ZFP64: variants seen among roughly 807,000 people sequenced by gnomAD.
ZFP64 encodes the protein zinc finger protein 64.
Under a neutral mutation model 51.6 loss-of-function variants are expected in ZFP64, and 14 were observed. The ratio of observed to expected loss-of-function variants is 0.27; its 90% CI spans 0.18 to 0.42. ZFP64 has a LOEUF of 0.42. Among genes scored for constraint, ZFP64 ranks in the 10% least tolerant of loss-of-function variants. The pLI, the probability that ZFP64 is intolerant of heterozygous loss-of-function variation, is 1.00. For synonymous variants in ZFP64, 375 were observed against 361.4 expected, an observed-to-expected ratio of 1.04 and a Z score of -0.43; for missense variants, 754 against 906.8, an observed-to-expected ratio of 0.83 and a Z score of 2.16.
chr20:52,115,412 C>CTTTT (rs764698548), intron 5 of ZFP64, among the ~76,000 whole-genome samples: 2 of 124,122 alleles, frequency 1.6e-5, no homozygotes, highest in African/African-American at 6.4e-5. Flanking sequence ...CTCGCTACAG[C>CTTTT]TTTTTTTTTT....
intron 5 of ZFP64, among the ~76,000 whole-genome samples, chr20:52,100,997 G>A (rs2079044259): frequency 6.6e-6 from 1 of 152,110 alleles, no homozygotes; most frequent in Non-Finnish European, 1.5e-5. Flanking sequence ...TCAACTGGGG[G>A]CCATTCTACC....
At chr20:52,115,197 C>CAAAAAAAAAAAA (rs11484315) in intron 5 of ZFP64, among the ~76,000 whole-genome samples, 1 of 90,068 alleles carries the variant, frequency 1.1e-5, no homozygotes, top group Non-Finnish European at 2.0e-5. Flanking sequence ...GAGTGAGTCT[C>CAAAAAAAAAAAA]AAAAAAAAAA....
At position 52,099,696 on chromosome 20, in the gene ZFP64, T is replaced by C. The variant is rs183943254; in HGVS notation, c.764-1109A>G. Among the ~76,000 whole-genome samples the C allele has an allele frequency of 2.0e-4, 31 of 152,282 alleles. 1 individual carries two copies. In the East Asian group the frequency reaches 5.0e-3, roughly 25 times the overall value. On this transcript the variant is annotated intron_variant, in intron 5 of 8. Transcript: ENST00000361387. ...ATTTACAAGTTGTATGATATGTGAA[T>C]TTGTCTTCAAAAATAATCCAGGGCA...
intron 2 of ZFP64, among the ~76,000 whole-genome samples, chr20:52,176,216 C>A (rs1019086165): frequency 6.6e-6 from 1 of 152,008 alleles, no homozygotes; most frequent in African/African-American, 2.4e-5. Flanking sequence ...CCAACCTGGG[C>A]GACGTAGTGA....
intron 5 of ZFP64, among the ~76,000 whole-genome samples, chr20:52,122,995 CT>C (rs79718879): frequency 0.42 from 63,840 of 150,324 alleles, 14,469 homozygotes; most frequent in Admixed American, 0.51. Flanking sequence ...GGGATTGACT[CT>C]TTTTTTTTTC....
chr20:52,097,172 G>T, intron 7 of ZFP64: 1 of 796,370 alleles, frequency 1.3e-6, no homozygotes, highest in Non-Finnish European at 2.3e-6. Context: ...ATAGCCACAG[G>T]CTCTGTGTAG....
chr20:52,084,541 A>AC (rs2078842952), exon 9 of ZFP64: 6 of 1,602,432 alleles, frequency 3.7e-6, no homozygotes, highest in Non-Finnish European at 5.1e-6. Context: ...ACAGCTGACC[A>AC]CCCTCTTCGG....
intron 6 of ZFP64, chr20:52,098,416 G>C: frequency 6.2e-7 from 1 of 1,612,720 alleles, no homozygotes; most frequent in Non-Finnish European, 8.5e-7. Flanking sequence ...AAGCGGCTCA[G>C]CACGCAGGGT....
intron 4 of ZFP64, among the ~76,000 whole-genome samples, chr20:52,161,395 A>C (rs1459719145): frequency 6.7e-6 from 1 of 148,844 alleles, no homozygotes; most frequent in Non-Finnish European, 1.5e-5. Flanking sequence ...GAATTACTTT[A>C]GTTAATCCTT....
At chr20:52,135,456 T>A (rs867119599) in intron 5 of ZFP64, among the ~76,000 whole-genome samples, 21 of 151,976 alleles carry the variant, frequency 1.4e-4, no homozygotes, top group African/African-American at 5.1e-4. Flanking sequence ...AAATTGGGAG[T>A]TTTGTACTAT....
chr20:52,143,490 A>G (rs924369075), intron 5 of ZFP64, among the ~76,000 whole-genome samples: 1 of 142,528 alleles, frequency 7.0e-6, no homozygotes, highest in African/African-American at 2.5e-5. Context: ...ATCTGCTTCT[A>G]TAGAGGTTAG....
chr20:52,101,088 A>C (rs986596724), intron 5 of ZFP64, among the ~76,000 whole-genome samples: 1 of 152,174 alleles, frequency 6.6e-6, no homozygotes, highest in South Asian at 2.1e-4. Flanking sequence ...AATGGCATCT[A>C]GTGGGTGAAG....
In ZFP64 at chr20:52,188,963, G is replaced by A. The variant is rs144318212; in HGVS notation, c.47-1892C>T. 3.5e-3 allele frequency among the ~76,000 whole-genome samples: 525 copies of A among 151,592 alleles called. 3 individuals carry two copies. The highest frequency in any genetic ancestry group is 0.012 in the African/African-American group (506 of 41,302). ...TGCACTCCAGCCTGGGCGACAGAGC[G>A]AGACTCCGTCTCACATAAAAAAAAA... On this transcript the variant is annotated intron_variant, in intron 1 of 5. Coordinates refer to ENST00000216923, the MANE Select transcript of ZFP64 (RefSeq NM_018197.3).
exon 9 of ZFP64, chr20:52,084,619 G>A (rs773172109): frequency 6.2e-7 from 1 of 1,614,208 alleles, no homozygotes; most frequent in Non-Finnish European, 8.5e-7. Context: ...AGGGTGCTGA[G>A]CTGTCCCGAG....
intron 5 of ZFP64, among the ~76,000 whole-genome samples, chr20:52,144,573 C>T (rs1306148957): frequency 1.4e-3 from 14 of 10,040 alleles, no homozygotes; most frequent in Admixed American, 4.3e-3. Flanking sequence ...AGCGAGACTC[C>T]GTCTCAAAAA....
intron 5 of ZFP64, among the ~76,000 whole-genome samples, chr20:52,137,985 G>A (rs749132845): frequency 9.9e-5 from 15 of 151,264 alleles, no homozygotes; most frequent in Non-Finnish European, 1.3e-4. Context: ...AGACCAGCCT[G>A]GGAAACACGG....
intron 5 of ZFP64, among the ~76,000 whole-genome samples, chr20:52,113,118 A>G (rs1978680786): frequency 6.6e-6 from 1 of 152,016 alleles, no homozygotes; most frequent in Admixed American, 6.6e-5. Flanking sequence ...GCAGATCACG[A>G]GGTCAAGAGA....
At chr20:52,148,835 C>T (rs1032951446), downstream of ZFP64, among the ~76,000 whole-genome samples, 11 of 152,114 alleles carry the variant, frequency 7.2e-5, no homozygotes, top group Admixed American at 3.9e-4. Flanking sequence ...AGAAAACACA[C>T]GTGCCACAAA....
intron 5 of ZFP64, among the ~76,000 whole-genome samples, chr20:52,102,107 C>CCAAAAAAAAAAAA (rs551838560): frequency 3.2e-5 from 2 of 63,434 alleles, no homozygotes; most frequent in African/African-American, 1.4e-4. Flanking sequence ...ACTCCATCTC[C>CCAAAAAAAAAAAA]AAAAAAAAAA....
Sources: gnomAD v4.1 joint callset for allele counts (sites outside exome capture counted in the v4.1 genomes callset) on GRCh38, gnomAD v4.1.1 for gene constraint, MANE v1.5 for transcripts, NCBI Gene and HGNC (gene_info 2026-07-23, HGNC 2026-07-21) for gene names.